VPS35L: variants seen among roughly 807,000 people sequenced by gnomAD.
The protein encoded by VPS35L is VPS35 endosomal protein-sorting factor-like.
VPS35L carries 83 observed loss-of-function variants against 133.0 expected under a neutral mutation model. That is an observed-to-expected ratio of 0.62 (90% CI 0.52 to 0.75). The LOEUF (loss-of-function observed/expected upper bound fraction) is 0.75, where lower values mean the gene tolerates loss of function less well. Among genes scored for constraint, VPS35L ranks in the 30% least tolerant of loss-of-function variants. The pLI is 0.00. For synonymous variants in VPS35L, 423 were observed against 449.9 expected (o/e 0.94, Z 0.76); for missense variants, 1,083 against 1,206.8 (o/e 0.90, Z 1.52).
chr16:19,663,201 C>T (rs1441053961), intron 26 of VPS35L, among the ~76,000 whole-genome samples: 1 of 152,100 alleles, frequency 6.6e-6, no homozygotes, highest in Admixed American at 6.6e-5. Context: ...ATCCCAGCTA[C>T]TCTGGAGGCT....
chr16:19,570,884 TA>T (rs1567388905), intron 3 of VPS35L, among the ~76,000 whole-genome samples: 11 of 93,596 alleles, frequency 1.2e-4, no homozygotes, highest in South Asian at 3.4e-4. Flanking sequence ...TATATATATA[TA>T]TATATTTTTG....
At chr16:19,653,027 G>A (rs1434563509) in intron 26 of VPS35L, among the ~76,000 whole-genome samples, 1 of 152,208 alleles carries the variant, frequency 6.6e-6, no homozygotes, top group Non-Finnish European at 1.5e-5. Flanking sequence ...CGTTCCTGTG[G>A]GCAGCTGAAG....
chr16:19,596,911 C>T (rs952576830), intron 8 of VPS35L, among the ~76,000 whole-genome samples: 75 of 152,010 alleles, frequency 4.9e-4, no homozygotes, highest in African/African-American at 1.7e-3. Context: ...CCCAGCTACT[C>T]GGGAGGCTTA....
intron 27 of VPS35L, 131 bp from the exon 28 acceptor site, chr16:19,682,094 T>C (rs1270741639): frequency 9.5e-7 from 1 of 1,047,906 alleles, no homozygotes; most frequent in Non-Finnish European, 1.4e-6. Context: ...GGGTCTTGCC[T>C]TTGTTCAGTA....
At chr16:19,600,419 G>A (rs1282075448) in intron 8 of VPS35L, among the ~76,000 whole-genome samples, 1 of 152,148 alleles carries the variant, frequency 6.6e-6, no homozygotes, top group Non-Finnish European at 1.5e-5. Flanking sequence ...ACCAGTTTAG[G>A]GGTCCAGGCT....
intron 15 of VPS35L, among the ~76,000 whole-genome samples, chr16:19,626,926 G>C (rs1973283199): frequency 6.6e-6 from 1 of 152,070 alleles, no homozygotes; most frequent in South Asian, 2.1e-4. Context: ...CATGGGCTTT[G>C]TTTACCACTG....
chr16:19,680,954 A>G (rs1407738990), intron 27 of VPS35L, among the ~76,000 whole-genome samples: 1 of 141,742 alleles, frequency 7.1e-6, no homozygotes, highest in Admixed American at 7.1e-5. Flanking sequence ...TGATGAAGAG[A>G]GAGTAAGAGG....
chr16:19,616,385 T>C (rs1972893786), intron 13 of VPS35L, among the ~76,000 whole-genome samples, 194 bp downstream of exon 13: 1 of 152,196 alleles, frequency 6.6e-6, no homozygotes, highest in Non-Finnish European at 1.5e-5. Flanking sequence ...AAAGTTAATA[T>C]GCATGTGTTA....
At chr16:19,697,277 G>C (rs1402058133) in intron 29 of VPS35L, among the ~76,000 whole-genome samples, 1 of 152,200 alleles carries the variant, frequency 6.6e-6, no homozygotes, top group African/African-American at 2.4e-5. Context: ...GAGTGGGGAG[G>C]GGAGGTGCCG....
chr16:19,692,016 A>G (rs1975708453), intron 29 of VPS35L, among the ~76,000 whole-genome samples: 1 of 152,036 alleles, frequency 6.6e-6, no homozygotes. Flanking sequence ...CTGGGATTAC[A>G]GGTGCCCGCC....
At chr16:19,567,882 A>T (rs1971236734) in intron 2 of VPS35L, among the ~76,000 whole-genome samples, 1 of 151,478 alleles carries the variant, frequency 6.6e-6, no homozygotes, top group Admixed American at 6.6e-5. Context: ...AGGCAGGAAG[A>T]TTGCTTGTGC....
chr16:19,654,003 C>T (rs2151589971), intron 26 of VPS35L, among the ~76,000 whole-genome samples: 1 of 152,294 alleles, frequency 6.6e-6, no homozygotes, highest in South Asian at 2.1e-4. Flanking sequence ...CAACCACCTG[C>T]ATCCTCATCT....
intron 1 of VPS35L, 35 bp from the exon 2 acceptor site, chr16:19,564,816 C>G: frequency 6.9e-7 from 1 of 1,447,742 alleles, no homozygotes; most frequent in Non-Finnish European, 9.7e-7. Context: ...TAAGTACCCC[C>G]ATCCACTAAT....
chr16:19,555,858 G>A, intron 1 of VPS35L, 112 bp downstream of exon 1: 1 of 1,425,738 alleles, frequency 7.0e-7, no homozygotes, highest in Non-Finnish European at 9.4e-7. Flanking sequence ...GTGGTCGACC[G>A]GCCACCCCCA....
intron 14 of VPS35L, among the ~76,000 whole-genome samples, chr16:19,620,821 T>C (rs1333262240): frequency 6.6e-6 from 1 of 151,868 alleles, no homozygotes; most frequent in Non-Finnish European, 1.5e-5. Context: ...TGTGGTGGCA[T>C]GCGCCTGTAA....
chr16:19,632,781 G>A (rs1040207489), intron 18 of VPS35L, among the ~76,000 whole-genome samples: 1 of 152,252 alleles, frequency 6.6e-6, no homozygotes, highest in Non-Finnish European at 1.5e-5. Flanking sequence ...AGGCACCTGA[G>A]GGAGGGCCTG....
intron 19 of VPS35L, among the ~76,000 whole-genome samples, chr16:19,634,238 G>A (rs1373710407): frequency 1.3e-5 from 2 of 151,860 alleles, no homozygotes; most frequent in African/African-American, 4.8e-5. Context: ...GATCACTTGA[G>A]TCCAGGAGTT....
In VPS35L at chr16:19,700,725, G is replaced by C; in HGVS notation, c.*249G>C. On this transcript the variant is annotated 3_prime_UTR_variant, in exon 31 of 31. Coordinates refer to ENST00000417362, the MANE Select transcript of VPS35L (RefSeq NM_020314.7). ...TGTTGTCTTTGCACAAGTGGCCTTCGGTCTACTCAGCCCGATCTGATGGGC... is the reference window on the plus strand; with the variant it reads ...TGTTGTCTTTGCACAAGTGGCCTTCCGTCTACTCAGCCCGATCTGATGGGC... The C allele has an allele frequency of 2.2e-6, 1 of 458,334 alleles. No individual in the cohort carries two copies. Among genetic ancestry groups the C allele is most frequent in the East Asian group, 3.3e-5 (1 of 30,544 alleles). The allele number at this position is 458,334 out of a possible 1,614,324, so 28.4% of individuals were successfully genotyped here.
intron 19 of VPS35L, among the ~76,000 whole-genome samples, chr16:19,636,300 C>G (rs1185172451): frequency 1.3e-5 from 2 of 151,950 alleles, no homozygotes; most frequent in South Asian, 4.2e-4. Flanking sequence ...AAATTGCTGG[C>G]TTTTGTAAAA....
Sources: gnomAD v4.1 joint callset for allele counts (sites outside exome capture counted in the v4.1 genomes callset) on GRCh38, gnomAD v4.1.1 for gene constraint, MANE v1.5 for transcripts, NCBI Gene and HGNC (gene_info 2026-07-23, HGNC 2026-07-21) for gene names.